The following GALNT2 variants were observed in gnomAD, a reference collection of about 807,000 sequenced individuals.
The protein encoded by GALNT2 is UDP-GalNAc:polypeptide N-acetylgalactosaminyltransferase 2.
A neutral mutation model predicts 81.4 loss-of-function variants in GALNT2; 31 were observed. The ratio of observed to expected loss-of-function variants is 0.38; its 90% CI spans 0.29 to 0.51. GALNT2 has a LOEUF of 0.51. GALNT2 is among the 20% of genes least tolerant of loss of function. The pLI is 0.87. For missense variants in GALNT2, 629 were observed against 765.7 expected, an observed-to-expected ratio of 0.82 and a Z score of 2.11; for synonymous variants, 303 against 287.4, an observed-to-expected ratio of 1.05 and a Z score of -0.55.
intron 1 of GALNT2, among the ~76,000 whole-genome samples, chr1:230,106,193 A>G (rs1660538992): frequency 6.6e-6 from 1 of 152,188 alleles, no homozygotes; most frequent in Non-Finnish European, 1.5e-5. Flanking sequence ...AAAGTTTTGT[A>G]TTCCCTGATC....
Position 230,181,552 on chromosome 1 carries a change from C to T in GALNT2, c.220+3241C>T, listed in dbSNP as rs189575478. 3.5e-4 allele frequency among the ~76,000 whole-genome samples: 53 copies of T among 150,384 alleles called. 1 individual carries two copies. In the East Asian group the frequency reaches 7.2e-3, roughly 20 times the overall value. On this transcript the variant is annotated intron_variant, in intron 2 of 15. Transcript: ENST00000366672. ...ATGAGAGCTATTAATCAGTACCTTT[C>T]GTTTCCTTTTTTTTTTTTTAGAGAC...
At chr1:230,138,043 C>T (rs888588071) in intron 1 of GALNT2, among the ~76,000 whole-genome samples, 1 of 152,176 alleles carries the variant, frequency 6.6e-6, no homozygotes, top group Non-Finnish European at 1.5e-5. Flanking sequence ...AGAAAAAACA[C>T]CTTGCATGTC....
intron 1 of GALNT2, among the ~76,000 whole-genome samples, chr1:230,088,624 G>A (rs1270793704): frequency 2.7e-5 from 4 of 150,332 alleles, no homozygotes; most frequent in South Asian, 2.1e-4. Context: ...TGCAAGCTCC[G>A]CTACCCAGGT....
At chr1:230,155,975 C>T (rs1015635579) in intron 1 of GALNT2, among the ~76,000 whole-genome samples, 1 of 151,832 alleles carries the variant, frequency 6.6e-6, no homozygotes, top group Non-Finnish European at 1.5e-5. Flanking sequence ...GTGCTAAGGG[C>T]CTGTGTGGTG....
rs16851324 is a variant in GALNT2 at position 230,280,082 on chromosome 1, G to A, written c.*624G>A. On this transcript the variant is annotated 3_prime_UTR_variant, in exon 16 of 16. Transcript: ENST00000366672. ...ATATAAAGCTATATAGAGAAAGAAT[G>A]TACGGTCAGTTCCCTATGGTTTCTG... The A allele has an allele frequency of 4.7e-3, 2,099 of 446,728 alleles. 40 individuals are homozygous for A. The highest frequency in any genetic ancestry group is 0.039 in the African/African-American group (1,937 of 49,870). The allele number at this position is 446,728 out of a possible 1,614,324, so 27.7% of individuals were successfully genotyped here.
At chr1:230,131,124 G>GTT (rs570921675) in intron 1 of GALNT2, among the ~76,000 whole-genome samples, 1 of 148,314 alleles carries the variant, frequency 6.7e-6, no homozygotes, top group Non-Finnish European at 1.5e-5. Flanking sequence ...CAAAACGTTT[G>GTT]TTTTTTTTTT....
intron 11 of GALNT2, among the ~76,000 whole-genome samples, chr1:230,256,191 C>T (rs200737445): frequency 2.6e-5 from 4 of 152,128 alleles, no homozygotes; most frequent in East Asian, 1.9e-4. Flanking sequence ...GTAATCCCAG[C>T]GTTGCGGGAG....
chr1:230,109,731 G>A (rs1386076301), intron 1 of GALNT2, among the ~76,000 whole-genome samples: 2 of 152,134 alleles, frequency 1.3e-5, no homozygotes, highest in African/African-American at 2.4e-5. Context: ...TGGAGGCTGA[G>A]GCAGAAGAAT....
intron 11 of GALNT2, chr1:230,259,642 T>C (rs1443873941): frequency 6.6e-6 from 1 of 152,242 alleles, no homozygotes; most frequent in East Asian, 1.9e-4. Flanking sequence ...TGCTGCTGAT[T>C]GGATGAGGTG....
rs1665749133 is a variant in GALNT2, at chr1:230,257,495, C to G, written c.1136+2151C>G. ...CTTACCATTGTGTTACAGTTTCCTC[C>G]AGTGTTCAGGACAGTCATGTGCTCT... On this transcript the variant is annotated intron_variant, in intron 11 of 15. Coordinates refer to ENST00000366672, the MANE Select transcript of GALNT2 (RefSeq NM_004481.5). The surrounding 1 kb of genome is among the most constrained non-coding windows in gnomAD (Gnocchi z 4.6). 6.6e-6 allele frequency among the ~76,000 whole-genome samples: 1 copy of G among 152,146 alleles called. No homozygotes were observed. The highest frequency in any genetic ancestry group is 2.4e-5 in the African/African-American group (1 of 41,410).
chr1:230,167,127 G>C (rs1344262645), intron 1 of GALNT2, among the ~76,000 whole-genome samples: 2 of 150,392 alleles, frequency 1.3e-5, no homozygotes, highest in African/African-American at 4.9e-5. Flanking sequence ...CTTCAAAACA[G>C]AGTCAAGTGT....
At chr1:230,166,590 G>A (rs767889753) in intron 1 of GALNT2, among the ~76,000 whole-genome samples, 7 of 152,222 alleles carry the variant, frequency 4.6e-5, no homozygotes, top group Non-Finnish European at 8.8e-5. Flanking sequence ...CAGTGAGCAC[G>A]CGGACATGTC....
chr1:230,201,558 TA>T (rs1235754939), intron 2 of GALNT2, among the ~76,000 whole-genome samples: 1 of 152,198 alleles, frequency 6.6e-6, no homozygotes, highest in African/African-American at 2.4e-5. Context: ...GATATGGAGG[TA>T]CACATGCTAT....
intron 2 of GALNT2, among the ~76,000 whole-genome samples, chr1:230,190,966 C>CT (rs1277883599): frequency 6.6e-6 from 1 of 152,054 alleles, no homozygotes; most frequent in Non-Finnish European, 1.5e-5. Flanking sequence ...GGGTCAATGG[C>CT]AATGCATGCA....
At chr1:230,134,374 T>C (rs1190598817) in intron 1 of GALNT2, among the ~76,000 whole-genome samples, 2 of 152,232 alleles carry the variant, frequency 1.3e-5, no homozygotes, top group Admixed American at 1.3e-4. Context: ...CCCAAAGTGC[T>C]GGGATTACAG....
rs1665708073 is a variant in GALNT2, at chr1:230,256,153, C to T, written c.1136+809C>T. Among the ~76,000 whole-genome samples the T allele has an allele frequency of 3.3e-5, 5 of 152,246 alleles. No individual in the cohort carries two copies. The South Asian group carries it at 1.0e-3, about 32-fold the overall frequency. ...TAAAGGTCACCTCTTAAAGGCCTCA[C>T]CTCGGCTGGGCATGGTGGCTCATGT... On this transcript the variant is annotated intron_variant, in intron 11 of 15. Transcript: ENST00000366672.
intron 1 of GALNT2, among the ~76,000 whole-genome samples, chr1:230,093,614 C>G (rs543768351): frequency 6.6e-6 from 1 of 152,214 alleles, no homozygotes; most frequent in East Asian, 1.9e-4. Context: ...GTTTACTGGC[C>G]TTGCACATGT....
intron 1 of GALNT2, among the ~76,000 whole-genome samples, chr1:230,161,194 G>A (rs1423830378): frequency 2.0e-5 from 3 of 152,234 alleles, no homozygotes; most frequent in African/African-American, 7.2e-5. Context: ...TTGTGGTCAA[G>A]TGATAGCAGC....
intron 1 of GALNT2, among the ~76,000 whole-genome samples, chr1:230,118,315 G>T (rs1001309363): frequency 6.6e-6 from 1 of 152,224 alleles, no homozygotes; most frequent in Non-Finnish European, 1.5e-5. Flanking sequence ...AGGAACATTT[G>T]TATGCAGGTT....
Sources: allele counts gnomAD v4.1 joint callset (sites outside exome capture counted in the v4.1 genomes callset), GRCh38; gene constraint gnomAD v4.1.1; non-coding constraint Gnocchi (gnomAD v3.1); transcripts MANE v1.5; gene names NCBI Gene and HGNC (gene_info 2026-07-23, HGNC 2026-07-21).